CYP2F1: variants seen among roughly 807,000 people sequenced by gnomAD.
CYP2F1 encodes the protein cytochrome P450 family 2 subfamily F member 1.
Under a neutral mutation model 40.4 loss-of-function variants are expected in CYP2F1, and 33 were observed. The ratio of observed to expected loss-of-function variants is 0.82; its 90% CI spans 0.62 to 1.09. The LOEUF is 1.09. Ranked by LOEUF, CYP2F1 falls within the 50% of genes least tolerant of loss-of-function variation. The pLI is 0.00. For missense variants in CYP2F1, 566 were observed against 655.7 expected (o/e 0.86, Z 1.49); for synonymous variants, 235 against 277.2 (o/e 0.85, Z 1.51).
At chr19:41,121,039 T>A (rs1352117880) in intron 4 of CYP2F1, among the ~76,000 whole-genome samples, 1 of 151,972 alleles carries the variant, frequency 6.6e-6, no homozygotes, top group Admixed American at 6.6e-5. Flanking sequence ...GTGGTTACCG[T>A]GTCTTGGGAT....
Position 41,125,570 on chromosome 19 carries a change from C to T in CYP2F1, c.1230C>T (p.Pro410=), listed in dbSNP as rs148223853. 3.0e-5 allele frequency: 48 copies of T among 1,609,074 alleles called. No homozygotes were observed. Among genetic ancestry groups the T allele is most frequent in the Admixed American group, 1.0e-4 (6 of 59,648 alleles). The change falls in exon 9 of 10, where the codon CCC becomes CCT. Residue 410 remains proline (P), a synonymous_variant. Transcript: ENST00000331105. ...SQFLTPQEFN[P]EHFLDANQSF... ...TCCTGACGCCCCAGGAGTTCAACCC[C>T]GAGCATTTTTTGGATGCCAATCAGT...
chr19:41,123,242 G>A, intron 7 of CYP2F1: 1 of 532,664 alleles, frequency 1.9e-6, no homozygotes, highest in Non-Finnish European at 3.6e-6. Flanking sequence ...CTGTCACCCA[G>A]GCTGGAGTGC....
intron 5 of CYP2F1, 56 bp from the exon 6 acceptor site, chr19:41,121,901 G>A: frequency 1.3e-6 from 2 of 1,521,758 alleles, no homozygotes; most frequent in Non-Finnish European, 1.8e-6. Flanking sequence ...GACCCCATTC[G>A]CCCCTGAACA....
rs752474586 is a variant in CYP2F1, at chr19:41,124,807, G to A, written c.1053G>A (p.Ala351=). ...KDRAAMPYTD[A]VIHEVQRFAD... ...GCGCGGCCATGCCTTACACAGACGC[G>A]GTGATCCACGAGGTGCAGCGCTTTG... Residue 351 remains alanine (A), a synonymous_variant, in exon 8 of 10, where the codon GCG becomes GCA. Transcript: ENST00000331105. 2.3e-5 allele frequency: 37 copies of A among 1,611,262 alleles called. No homozygotes were observed. The highest frequency in any genetic ancestry group is 2.2e-5 in the Non-Finnish European group (26 of 1,179,716).
chr19:41,123,121 C>A, intron 7 of CYP2F1, 158 bp downstream of exon 7: 1 of 808,320 alleles, frequency 1.2e-6, no homozygotes, highest in Non-Finnish European at 2.1e-6. Context: ...GCCGATCCCA[C>A]CACATGGCCC....
At position 41,116,229 on chromosome 19, in the gene CYP2F1, C is replaced by T. The variant is rs890689712; in HGVS notation, c.41C>T (p.Ala14Val). ...ISTAILLLLL[A>V]LVCLLLTLSS... The stretch of plus-strand genomic sequence containing the variant: ...ACAGCCATCTTACTCCTGCTCCTGG[C>T]TCTCGTCTGTCTGCTCCTGACCCTA... Residue 14 changes from alanine to valine, a missense_variant, in exon 2 of 10, where the codon GCT becomes GTT. Ala to Val is a moderately conservative substitution (Grantham distance 64, BLOSUM62 0). Around this residue, in one of 5 missense-constraint regions of CYP2F1, gnomAD observed 264 missense variants for 275.7 expected, o/e 0.96. Coordinates refer to ENST00000331105, the MANE Select transcript of CYP2F1 (RefSeq NM_000774.5). 9.3e-6 allele frequency: 15 copies of T among 1,613,948 alleles called. No homozygotes were observed. The African/African-American group carries it at 2.0e-4, about 22-fold the overall frequency.
At chr19:41,121,424 C>T (rs1268279670) in intron 4 of CYP2F1, 34 bp from the exon 5 acceptor site, 2 of 1,593,048 alleles carry the variant, frequency 1.3e-6, no homozygotes, top group South Asian at 1.1e-5. Context: ...CTGCACATCG[C>T]GTCTTCCTGA....
intron 8 of CYP2F1, 126 bp downstream of exon 8, chr19:41,125,032 C>T (rs2144761491): frequency 1.3e-6 from 1 of 794,272 alleles, no homozygotes; most frequent in South Asian, 1.9e-5. Flanking sequence ...GCATCCCAAG[C>T]CCTAGCTACA....
At position 41,121,460 on chromosome 19, in the gene CYP2F1, G is replaced by T; in HGVS notation, c.487G>T (p.Glu163Ter). 6.2e-7 allele frequency: 1 copy of T among 1,608,926 alleles called. No individual in the cohort carries two copies. The highest frequency in any genetic ancestry group is 8.5e-7 in the Non-Finnish European group (1 of 1,179,380). ...TCCATTGCACTCCTTACCCTCAGGCGAGCCCTTTGACCCCACGTTTGTGCT... is the reference window on the plus strand; with the variant it reads ...TCCATTGCACTCCTTACCCTCAGGCTAGCCCTTTGACCCCACGTTTGTGCT... Reference protein sequence around the residue: ...LLAELRKTEGEPFDPTFVLSR... With the variant: ...LLAELRKTEG The change falls in exon 5 of 10, where the codon GAG becomes TAG. Residue 163 changes from glutamate to a stop codon, truncating the protein, a stop_gained and splice_region_variant. Coordinates refer to ENST00000331105, the MANE Select transcript of CYP2F1 (RefSeq NM_000774.5). LOFTEE classifies it high-confidence loss of function.
In CYP2F1 at chr19:41,124,783, C is replaced by T. The variant is rs371125523; in HGVS notation, c.1029C>T (p.Arg343=). 244 of 1,610,020 alleles carry T rather than the reference C, an allele frequency of 1.5e-4. 2 individuals carry two copies. Among genetic ancestry groups the T allele is most frequent in the African/African-American group, 1.3e-3 (97 of 75,024 alleles). The change falls in exon 8 of 10, where the codon CGC becomes CGT. Residue 343 remains arginine (R), a synonymous_variant. Transcript: ENST00000331105. ...GRARLPALKD[R]AAMPYTDAVI... ...CGCGGCTGCCGGCGCTGAAGGACCGCGCGGCCATGCCTTACACAGACGCGG... is the reference window on the plus strand; with the variant it reads ...CGCGGCTGCCGGCGCTGAAGGACCGTGCGGCCATGCCTTACACAGACGCGG...
chr19:41,127,797 G>A (rs953436116), intron 9 of CYP2F1, 104 bp from the exon 10 acceptor site: 1 of 778,102 alleles, frequency 1.3e-6, no homozygotes, highest in East Asian at 2.7e-5. Flanking sequence ...GACGTCCCCA[G>A]CTGCTGTCTT....
At chr19:41,124,675 G>A (rs778581092) in intron 7 of CYP2F1, 44 bp from the exon 8 acceptor site, 15 of 1,563,858 alleles carry the variant, frequency 9.6e-6, no homozygotes, top group South Asian at 2.3e-5. Flanking sequence ...TTGCCCTGTC[G>A]CGCCCGCTGA....
chr19:41,121,150 A>G (rs966832804), intron 4 of CYP2F1, among the ~76,000 whole-genome samples: 6 of 151,872 alleles, frequency 4.0e-5, no homozygotes, highest in African/African-American at 1.5e-4. Context: ...GTGTTCCGTG[A>G]TGCCTGATGA....
At position 41,124,844 on chromosome 19, in the gene CYP2F1, C is replaced by A; in HGVS notation, c.1090C>A (p.Pro364Thr). ...HEVQRFADII[P>T]MNLPHRVTRD... ...GGTGCAGCGCTTTGCAGACATCATC[C>A]CCATGAACTTGCCGCACCGCGTCAC... The change falls in exon 8 of 10, where the codon CCC becomes ACC. Residue 364 changes from proline to threonine, a missense_variant. Transcript: ENST00000331105. 6.2e-7 allele frequency: 1 copy of A among 1,611,630 alleles called. No individual in the cohort carries two copies. The highest frequency in any genetic ancestry group is 8.5e-7 in the Non-Finnish European group (1 of 1,179,818).
intron 7 of CYP2F1, chr19:41,123,459 C>T (rs1282964991): frequency 3.0e-6 from 1 of 336,376 alleles, no homozygotes; most frequent in Non-Finnish European, 5.8e-6. Flanking sequence ...CTCAAGTGAT[C>T]CACCTGCCTC....
At chr19:41,123,876 A>T (rs1394031547) in intron 7 of CYP2F1, among the ~76,000 whole-genome samples, 1 of 151,580 alleles carries the variant, frequency 6.6e-6, no homozygotes, top group African/African-American at 2.4e-5. Flanking sequence ...ACATGCGTCC[A>T]CCTCCGGCTT....
chr19:41,115,823 A>G (rs2031760445), intron 1 of CYP2F1, among the ~76,000 whole-genome samples: 1 of 152,164 alleles, frequency 6.6e-6, no homozygotes, highest in Non-Finnish European at 1.5e-5. Flanking sequence ...AAAGAGTGAT[A>G]GATGATAGAT....
intron 4 of CYP2F1, among the ~76,000 whole-genome samples, chr19:41,121,218 G>A (rs1312216092): frequency 2.0e-5 from 3 of 152,014 alleles, no homozygotes; most frequent in African/African-American, 4.8e-5. Flanking sequence ...CCCGTTCTGT[G>A]GTTGGGCGTT....
intron 3 of CYP2F1, 87 bp downstream of exon 3, chr19:41,116,704 T>C (rs2031833443): frequency 6.8e-7 from 1 of 1,464,210 alleles, no homozygotes; most frequent in Non-Finnish European, 9.3e-7. Flanking sequence ...CTCAATCTTG[T>C]TGACACTCAG....
Sources: allele counts gnomAD v4.1 joint callset (sites outside exome capture counted in the v4.1 genomes callset), GRCh38; gene constraint gnomAD v4.1.1; regional missense constraint gnomAD v4.1.1; transcripts MANE v1.5; gene names NCBI Gene and HGNC (gene_info 2026-07-23, HGNC 2026-07-21).